MAGI2: variants seen among roughly 807,000 people sequenced by gnomAD.
MAGI2 encodes membrane-associated guanylate kinase, WW and PDZ domain-containing protein 2.
A neutral mutation model predicts 133.3 loss-of-function variants in MAGI2; 35 were observed. That is an observed-to-expected ratio of 0.26 (90% CI 0.20 to 0.35). MAGI2 has a LOEUF of 0.35. Ranked by LOEUF, MAGI2 falls within the 10% of genes least tolerant of loss-of-function variation. The pLI, the probability that MAGI2 is intolerant of heterozygous loss-of-function variation, is 1.00. For missense variants in MAGI2, 1,636 were observed against 1,863.4 expected, an observed-to-expected ratio of 0.88 and a Z score of 2.25; for synonymous variants, 729 against 710.6, an observed-to-expected ratio of 1.03 and a Z score of -0.41.
chr7:79,225,898 T>C (rs1307045793), intron 1 of MAGI2, among the ~76,000 whole-genome samples: 2 of 152,144 alleles, frequency 1.3e-5, no homozygotes, highest in Non-Finnish European at 2.9e-5. Context: ...TGCAGAGCTG[T>C]TGGGAAAATA....
intron 1 of MAGI2, among the ~76,000 whole-genome samples, chr7:79,115,378 T>G (rs956578417): frequency 6.6e-5 from 10 of 152,198 alleles, no homozygotes; most frequent in Non-Finnish European, 1.2e-4. Context: ...TATATATGCC[T>G]TAATTATTGT....
At chr7:78,590,576 A>G (rs570823628) in intron 3 of MAGI2, among the ~76,000 whole-genome samples, 44 of 152,368 alleles carry the variant, frequency 2.9e-4, no homozygotes, top group African/African-American at 7.9e-4. Flanking sequence ...CTAAAAATCA[A>G]TGCTCCTATT....
chr7:78,521,491 A>C lies in MAGI2; in HGVS notation c.693T>G (p.Pro231=), dbSNP rs749168175. The C allele has an allele frequency of 1.2e-6, 2 of 1,614,048 alleles. No homozygotes were observed. The highest frequency in any genetic ancestry group is 4.5e-5 in the East Asian group (2 of 44,872). The change falls in exon 4 of 22, where the codon CCT becomes CCG. Residue 231 remains proline, a synonymous_variant. Transcript: ENST00000354212. ...VSNMEKASIE[P]PEEEEEERPV... The stretch of plus-strand genomic sequence containing the variant: ...GCCTCTCTTCCTCTTCCTCCTCAGG[A>C]GGCTCTATACTGGCTTTCTCCATGT...
intron 9 of MAGI2, among the ~76,000 whole-genome samples, chr7:78,279,968 A>G (rs1795403128): frequency 6.6e-6 from 1 of 152,142 alleles, no homozygotes; most frequent in African/African-American, 2.4e-5. Flanking sequence ...GCTTATCCTT[A>G]AGCAAACTCA....
chr7:79,145,913 C>T (rs766836229), intron 1 of MAGI2, among the ~76,000 whole-genome samples: 5 of 152,166 alleles, frequency 3.3e-5, no homozygotes, highest in South Asian at 2.1e-4. Flanking sequence ...TCACAGAAGG[C>T]GTTTCTTCTT....
rs1842933487 is a variant in MAGI2, at chr7:79,369,601, T to C, written c.301+83419A>G. On this transcript the variant is annotated intron_variant, in intron 1 of 21. Coordinates refer to ENST00000354212, the MANE Select transcript of MAGI2 (RefSeq NM_012301.4). ...TTATTATATCCTTATCCCAAATCTA[T>C]TTTCCCAGGCTTGTAGAACTCCAGC... Among the ~76,000 whole-genome samples the C allele has an allele frequency of 3.3e-5, 5 of 152,126 alleles. No individual in the cohort carries two copies. The South Asian group carries it at 8.3e-4, about 25-fold the overall frequency.
At chr7:79,406,815 A>G (rs1241595705) in intron 1 of MAGI2, among the ~76,000 whole-genome samples, 1 of 152,188 alleles carries the variant, frequency 6.6e-6, no homozygotes, top group Non-Finnish European at 1.5e-5. Context: ...TTTAATAAAG[A>G]TGCCCCAAAG....
intron 1 of MAGI2, among the ~76,000 whole-genome samples, chr7:79,095,001 C>A (rs1318812499): frequency 2.0e-5 from 3 of 152,166 alleles, no homozygotes; most frequent in Admixed American, 2.0e-4. Flanking sequence ...GACAGTCAGT[C>A]TGGCCTTAGA....
At chr7:79,403,915 A>C (rs1845634579) in intron 1 of MAGI2, among the ~76,000 whole-genome samples, 3 of 152,220 alleles carry the variant, frequency 2.0e-5, no homozygotes, top group Non-Finnish European at 4.4e-5. Flanking sequence ...GCGATATTAA[A>C]CATGGAAACC....
At chr7:78,302,569 C>T (rs1376298986) in intron 9 of MAGI2, among the ~76,000 whole-genome samples, 1 of 152,164 alleles carries the variant, frequency 6.6e-6, no homozygotes, top group Non-Finnish European at 1.5e-5. Context: ...TACTTTATTA[C>T]AAACGAATAT....
chr7:78,507,657 AC>A (rs1226488566), intron 4 of MAGI2, among the ~76,000 whole-genome samples: 1 of 152,230 alleles, frequency 6.6e-6, no homozygotes, highest in East Asian at 1.9e-4. Context: ...GACATAAAAT[AC>A]CTGAATAAAA....
At chr7:79,214,403 CTCTCTATA>C (rs1476760043) in intron 1 of MAGI2, among the ~76,000 whole-genome samples, 265 of 41,272 alleles carry the variant, frequency 6.4e-3, no homozygotes, top group Non-Finnish European at 7.9e-3. Context: ...CTCTCTCTCT[CTCTCTATA>C]TATATATATA....
intron 6 of MAGI2, among the ~76,000 whole-genome samples, chr7:78,432,618 C>T (rs1234821333): frequency 3.3e-5 from 5 of 151,992 alleles, no homozygotes; most frequent in Admixed American, 3.3e-4. Context: ...TAATCAATCA[C>T]CTCTGGTACA....
chr7:79,391,791 C>A (rs867644532), intron 1 of MAGI2, among the ~76,000 whole-genome samples: 3 of 151,846 alleles, frequency 2.0e-5, no homozygotes, highest in Admixed American at 6.6e-5. Context: ...TCACACCATT[C>A]TCCTGCCTCA....
intron 1 of MAGI2, among the ~76,000 whole-genome samples, chr7:79,106,215 T>C (rs1455976328): frequency 6.6e-6 from 1 of 152,196 alleles, no homozygotes; most frequent in East Asian, 1.9e-4. Context: ...GGCTATACAC[T>C]GTCTGATTAC....
chr7:78,831,064 T>C (rs1584066458), intron 2 of MAGI2, among the ~76,000 whole-genome samples: 1 of 127,714 alleles, frequency 7.8e-6, no homozygotes, highest in South Asian at 2.6e-4. Flanking sequence ...AACTTGCATT[T>C]CTTATCAACA....
intron 2 of MAGI2, among the ~76,000 whole-genome samples, chr7:78,671,465 C>T (rs1315950424): frequency 2.0e-5 from 3 of 151,978 alleles, no homozygotes; most frequent in African/African-American, 7.2e-5. Context: ...ATGGACATGC[C>T]CCAAATTTCA....
chr7:78,655,784 A>G lies in MAGI2; in HGVS notation c.419-28545T>C, dbSNP rs532847636. Reference sequence around the variant, plus strand: ...ATCACGAGGTCAGGAGATCGAGACCATCCTGGCTAACACGGTGAAACCCTG... The same window carrying G: ...ATCACGAGGTCAGGAGATCGAGACCGTCCTGGCTAACACGGTGAAACCCTG... On this transcript the variant is annotated intron_variant, in intron 2 of 21. Coordinates refer to ENST00000354212, the MANE Select transcript of MAGI2 (RefSeq NM_012301.4). Among the ~76,000 whole-genome samples, 3 of 152,168 alleles carry G rather than the reference A, an allele frequency of 2.0e-5. No individual in the cohort carries two copies. The South Asian group carries it at 6.2e-4, about 32-fold the overall frequency.
At chr7:79,390,505 C>T (rs543263945) in intron 1 of MAGI2, among the ~76,000 whole-genome samples, 1 of 152,188 alleles carries the variant, frequency 6.6e-6, no homozygotes, top group East Asian at 1.9e-4. Context: ...ATGACATTCA[C>T]AAATTATATC....
Sources: gnomAD v4.1 joint callset for allele counts (sites outside exome capture counted in the v4.1 genomes callset) on GRCh38, gnomAD v4.1.1 for gene constraint, MANE v1.5 for transcripts, NCBI Gene and HGNC (gene_info 2026-07-23, HGNC 2026-07-21) for gene names.